The following CDYL variants were observed in gnomAD, a reference collection of about 807,000 sequenced individuals.
CDYL encodes chromodomain Y-like protein.
CDYL carries 8 observed loss-of-function variants against 47.3 expected under a neutral mutation model. That is an observed-to-expected ratio of 0.17 (90% CI 0.10 to 0.31). CDYL has a LOEUF of 0.31. CDYL is among the 10% of genes least tolerant of loss of function. CDYL has a pLI of 1.00. For missense variants in CDYL, 471 were observed against 701.4 expected (o/e 0.67, Z 3.71); for synonymous variants, 266 against 265.0 (o/e 1.00, Z -0.04).
intron 3 of CDYL, among the ~76,000 whole-genome samples, chr6:4,763,520 GA>G (rs1329111251): frequency 1.4e-5 from 2 of 145,680 alleles, no homozygotes; most frequent in Non-Finnish European, 3.0e-5. Context: ...TCTTGTCCAG[GA>G]AAAAAATAAA....
In CDYL at chr6:4,920,442, A is replaced by G. The variant is rs150464041; in HGVS notation, c.692-15073A>G. Reference sequence around the variant, plus strand: ...CACTGGACTATAATTATTTAAAGACAAAGTCCATAGGTGTCCCCAGTGAGA... The same window carrying G: ...CACTGGACTATAATTATTTAAAGACGAAGTCCATAGGTGTCCCCAGTGAGA... On this transcript the variant is annotated intron_variant, in intron 2 of 6. Coordinates refer to ENST00000397588, the MANE Select transcript of CDYL (RefSeq NM_004824.4). 1.9e-3 allele frequency among the ~76,000 whole-genome samples: 286 copies of G among 152,326 alleles called. 1 individual carries two copies. The highest frequency in any genetic ancestry group is 6.6e-3 in the African/African-American group (273 of 41,574).
chr6:4,878,645 G>T (rs969429540), intron 1 of CDYL, among the ~76,000 whole-genome samples: 1 of 151,728 alleles, frequency 6.6e-6, no homozygotes, highest in African/African-American at 2.4e-5. Flanking sequence ...CTTATATTTC[G>T]ATATTGGTAG....
chr6:4,834,393 A>G (rs1348491309), intron 1 of CDYL, among the ~76,000 whole-genome samples: 2 of 149,202 alleles, frequency 1.3e-5, no homozygotes, highest in Non-Finnish European at 3.0e-5. Context: ...AGAATGTTGA[A>G]TATTGGCCCC....
At chr6:4,778,963 T>C (rs954469523) in intron 1 of CDYL, among the ~76,000 whole-genome samples, 1 of 152,216 alleles carries the variant, frequency 6.6e-6, no homozygotes, top group African/African-American at 2.4e-5. Flanking sequence ...GGATCAGTGT[T>C]TCCCTTATAG....
intron 1 of CDYL, chr6:4,715,661 G>T (rs1004879686): frequency 7.3e-7 from 1 of 1,369,850 alleles, no homozygotes; most frequent in Admixed American, 2.7e-5. Context: ...TAGAACTGGT[G>T]AAAGTCATTA....
At chr6:4,856,580 G>T (rs142662290) in intron 1 of CDYL, among the ~76,000 whole-genome samples, 1 of 152,264 alleles carries the variant, frequency 6.6e-6, no homozygotes, top group African/African-American at 2.4e-5. Context: ...TGCGACAGTC[G>T]GGGCCAGAAC....
intron 1 of CDYL, among the ~76,000 whole-genome samples, chr6:4,832,923 T>G (rs1451820598): frequency 6.6e-6 from 1 of 151,960 alleles, no homozygotes; most frequent in Non-Finnish European, 1.5e-5. Flanking sequence ...AGTGGTGATA[T>G]CCCCTTTATC....
intron 1 of CDYL, among the ~76,000 whole-genome samples, chr6:4,839,962 G>T (rs1760439111): frequency 6.6e-6 from 1 of 152,028 alleles, no homozygotes; most frequent in African/African-American, 2.4e-5. Flanking sequence ...AAGAATGATG[G>T]TGGTGTTTTG....
At chr6:4,758,388 C>T (rs1323293887) in intron 3 of CDYL, among the ~76,000 whole-genome samples, 2 of 138,648 alleles carry the variant, frequency 1.4e-5, no homozygotes, top group African/African-American at 5.6e-5. Flanking sequence ...GTGGCCAGCA[C>T]GGTGGCTCAC....
At chr6:4,836,466 T>C (rs900364956) in intron 1 of CDYL, among the ~76,000 whole-genome samples, 1 of 152,226 alleles carries the variant, frequency 6.6e-6, no homozygotes. Context: ...AGACTTCGGC[T>C]TTCCTTCCTG....
At chr6:4,869,687 A>G (rs1002547582) in intron 1 of CDYL, among the ~76,000 whole-genome samples, 3 of 152,134 alleles carry the variant, frequency 2.0e-5, no homozygotes, top group Admixed American at 6.5e-5. Flanking sequence ...ATTAATAACT[A>G]CCCTAATTCT....
Position 4,869,311 on chromosome 6 carries a change from G to A in CDYL, c.25-22402G>A, listed in dbSNP as rs576525843. Among the ~76,000 whole-genome samples, 6 of 152,180 alleles carry A rather than the reference G, an allele frequency of 3.9e-5. No individual in the cohort carries two copies. The East Asian group carries it at 1.2e-3, about 29-fold the overall frequency. ...GGGTTTCACTGTGTTGGCCAGGCTG[G>A]TCTCAAACTCCTGACCTCAGGTGAT... On this transcript the variant is annotated intron_variant, in intron 1 of 6. Coordinates refer to ENST00000397588, the MANE Select transcript of CDYL (RefSeq NM_004824.4).
At chr6:4,946,580 G>A (rs1377552306) in intron 5 of CDYL, among the ~76,000 whole-genome samples, 1 of 152,192 alleles carries the variant, frequency 6.6e-6, no homozygotes, top group Non-Finnish European at 1.5e-5. Context: ...CAAGGGTCTG[G>A]GGGTGACGCA....
intron 3 of CDYL, among the ~76,000 whole-genome samples, chr6:4,752,211 C>T (rs1345386300): frequency 6.6e-6 from 1 of 152,136 alleles, no homozygotes; most frequent in Non-Finnish European, 1.5e-5. Context: ...CCATTACCAT[C>T]CTCAGGGCTG....
At chr6:4,951,685 G>A (rs531611084) in intron 5 of CDYL, among the ~76,000 whole-genome samples, 4 of 152,086 alleles carry the variant, frequency 2.6e-5, no homozygotes, top group East Asian at 3.9e-4. Flanking sequence ...TCCAAGGTAC[G>A]CTCTAGCAGA....
At chr6:4,878,132 C>A (rs1448065813) in intron 1 of CDYL, among the ~76,000 whole-genome samples, 1 of 151,946 alleles carries the variant, frequency 6.6e-6, no homozygotes, top group South Asian at 2.1e-4. Flanking sequence ...TTGGTTATAT[C>A]TTTGATGTCA....
intron 1 of CDYL, among the ~76,000 whole-genome samples, chr6:4,853,021 C>G (rs1252847711): frequency 1.3e-5 from 2 of 152,108 alleles, no homozygotes; most frequent in Non-Finnish European, 2.9e-5. Context: ...AACTCCTGGC[C>G]TCAAGTGGTC....
intron 1 of CDYL, among the ~76,000 whole-genome samples, chr6:4,791,395 C>G (rs537550219): frequency 7.2e-4 from 110 of 152,312 alleles, no homozygotes; most frequent in South Asian, 2.7e-3. Context: ...ACTTCTAGTA[C>G]TGAAGTACTT....
chr6:4,800,524 G>A (rs541726065), intron 1 of CDYL, among the ~76,000 whole-genome samples: 1 of 151,934 alleles, frequency 6.6e-6, no homozygotes, highest in African/African-American at 2.4e-5. Flanking sequence ...ACCATTTCTG[G>A]CTGTCTTCAT....
Sources: allele counts gnomAD v4.1 joint callset (sites outside exome capture counted in the v4.1 genomes callset), GRCh38; gene constraint gnomAD v4.1.1; transcripts MANE v1.5; gene names NCBI Gene and HGNC (gene_info 2026-07-23, HGNC 2026-07-21).